The following P2RX5 variants were observed in gnomAD, a reference collection of about 807,000 sequenced individuals.
P2RX5 encodes P2X purinoceptor 5.
In P2RX5, 46 loss-of-function variants were observed where a neutral mutation model predicts 54.1. The ratio of observed to expected loss-of-function variants is 0.85; its 90% CI spans 0.67 to 1.09. The LOEUF is 1.09. Among genes scored for constraint, P2RX5 ranks in the 50% least tolerant of loss-of-function variants. P2RX5 has a pLI of 0.00. For missense variants in P2RX5, 566 were observed against 549.8 expected, an observed-to-expected ratio of 1.03 and a Z score of -0.29; for synonymous variants, 226 against 226.4, an observed-to-expected ratio of 1.00 and a Z score of 0.02.
In P2RX5 at chr17:3,696,020, C is replaced by T. The variant is rs371526773; in HGVS notation, c.-15G>A. On this transcript the variant is annotated 5_prime_UTR_variant, in exon 1 of 12. Coordinates refer to ENST00000225328, the MANE Select transcript of P2RX5 (RefSeq NM_002561.4). ...GCCTGCCCCATGGCGCGCTCTCAGC[C>T]GGGCTTGCGGACCGCCCGGCCCACG... 5.6e-6 allele frequency: 9 copies of T among 1,612,742 alleles called. No individual in the cohort carries two copies. The Admixed American group carries it at 8.3e-5, about 15-fold the overall frequency.
the P2RX5 span, among the ~76,000 whole-genome samples, chr17:3,709,100 T>C: frequency 6.6e-6 from 1 of 152,126 alleles, no homozygotes; most frequent in African/African-American, 2.4e-5. Flanking sequence ...TACAGGCGCC[T>C]GCCACAACGC....
upstream of P2RX5, among the ~76,000 whole-genome samples, chr17:3,699,824 A>AAGAGAGAG (rs71153388): frequency 4.3e-5 from 5 of 115,914 alleles, no homozygotes; most frequent in East Asian, 7.0e-4. Flanking sequence ...GAAAGAGAGA[A>AAGAGAGAG]AGAGAGAGAG....
intron 10 of P2RX5, among the ~76,000 whole-genome samples, chr17:3,680,666 AGGCCACCACCCTGCT>A (rs2050242592): frequency 1.7e-5 from 1 of 60,052 alleles, no homozygotes; most frequent in African/African-American, 8.1e-5. Flanking sequence ...TCCACCCTGC[AGGCCACCACCCTGCT>A]TCCTCCATCC....
the P2RX5 span, among the ~76,000 whole-genome samples, chr17:3,708,191 T>G: frequency 5.9e-5 from 9 of 151,952 alleles, no homozygotes; most frequent in East Asian, 1.4e-3. Context: ...AGGAAGACTG[T>G]TTTTCAGACA....
chr17:3,681,752 G>A, intron 10 of P2RX5, 144 bp downstream of exon 10: 2 of 700,884 alleles, frequency 2.9e-6, no homozygotes, highest in East Asian at 2.7e-5. Context: ...TGTAGAGCAT[G>A]TACTCAGAAC....
At chr17:3,723,412 T>G in the P2RX5 span, 1 of 1,480,764 alleles carries the variant, frequency 6.8e-7, no homozygotes, top group South Asian at 1.1e-5. Flanking sequence ...GTGAACACAA[T>G]TCCTTTCCGT....
the P2RX5 span, chr17:3,716,822 C>T: frequency 1.5e-6 from 2 of 1,323,128 alleles, no homozygotes; most frequent in South Asian, 2.4e-5. Flanking sequence ...AGAGATCGCC[C>T]AATAAATCAG....
Position 3,688,721 on chromosome 17 carries a change from A to G in P2RX5, c.792T>C (p.Asp264=). 3 of 1,613,958 alleles carry G rather than the reference A, an allele frequency of 1.9e-6. No individual in the cohort carries two copies. Among genetic ancestry groups the G allele is most frequent in the Non-Finnish European group, 2.5e-6 (3 of 1,179,842 alleles). The change falls in exon 8 of 12, where the codon GAT becomes GAC. Residue 264 remains aspartate (D), a synonymous_variant. Coordinates refer to ENST00000225328, the MANE Select transcript of P2RX5 (RefSeq NM_002561.4). The stretch of plus-strand genomic sequence containing the variant: ...GGCACTCAGAGGCAGCTTTATCAAG[A>G]TCACAGTTCCATTCAATATTAATTC... ...VIGINIEWNC[D]LDKAASECHP...
chr17:3,712,260 T>C, the P2RX5 span, among the ~76,000 whole-genome samples: 2 of 152,294 alleles, frequency 1.3e-5, no homozygotes, highest in Middle Eastern at 3.4e-3. Context: ...AAGTGACCGA[T>C]AGCACAGACG....
At chr17:3,696,513 G>A (rs1465137628), upstream of P2RX5, 1 of 152,334 alleles carries the variant, frequency 6.6e-6, no homozygotes, top group East Asian at 1.9e-4. Flanking sequence ...GGAGTGCAGT[G>A]GTGCGATCTC....
chr17:3,680,315 ATCCTCCACCCTGCATCCTCCACCCTGCG>A (rs2050223354), intron 10 of P2RX5, among the ~76,000 whole-genome samples: 2 of 28,704 alleles, frequency 7.0e-5, no homozygotes, highest in Non-Finnish European at 6.0e-5. Context: ...TCCACCCTGC[ATCCTCCACCCTGCATCCTCCACCCTGCG>A]TCCTCCACCC....
chr17:3,696,914 T>C (rs1055137519), upstream of P2RX5, among the ~76,000 whole-genome samples: 9 of 151,574 alleles, frequency 5.9e-5, no homozygotes, highest in Non-Finnish European at 1.3e-4. Context: ...TCTTGCTCCG[T>C]GGGCAGGGGG....
the P2RX5 span, among the ~76,000 whole-genome samples, chr17:3,701,602 G>T: frequency 6.7e-6 from 1 of 148,540 alleles, no homozygotes; most frequent in Non-Finnish European, 1.5e-5. Flanking sequence ...TGAGGCAGGA[G>T]AATCACTTGA....
rs891477304 is a variant in P2RX5, at chr17:3,684,566, C to A, written c.982-2588G>T. 3.3e-5 allele frequency among the ~76,000 whole-genome samples: 5 copies of A among 152,242 alleles called. No homozygotes were observed. In the South Asian group the frequency reaches 6.2e-4, roughly 19 times the overall value. ...GCAGTGAGCCATGATCATGCCACTG[C>A]ACTCCAGCCTGGGCAACAGAGCAAA... On this transcript the variant is annotated intron_variant, in intron 9 of 11. Coordinates refer to ENST00000225328, the MANE Select transcript of P2RX5 (RefSeq NM_002561.4).
rs201661236 is a variant in P2RX5 at position 3,681,876 on chromosome 17, G to A, written c.1064+20C>T. On this transcript the variant is annotated intron_variant, in intron 10 of 11. Coordinates refer to ENST00000225328, the MANE Select transcript of P2RX5 (RefSeq NM_002561.4). ...TCCACAGGGCTGCCCTCGGGCCGCC[G>A]GCCTGGAAGCGGAACTGACCTCACT... 50 of 1,582,466 alleles carry A rather than the reference G, an allele frequency of 3.2e-5. No individual in the cohort carries two copies. The highest frequency in any genetic ancestry group is 3.3e-5 in the Admixed American group (2 of 59,980).
At chr17:3,720,568 G>A in the P2RX5 span, 2 of 456,640 alleles carry the variant, frequency 4.4e-6, no homozygotes, top group South Asian at 6.2e-5. Flanking sequence ...GACATCTGCA[G>A]TTATTCTTCA....
chr17:3,683,480 C>T (rs187833819), intron 9 of P2RX5, among the ~76,000 whole-genome samples: 1 of 152,230 alleles, frequency 6.6e-6, no homozygotes, highest in Non-Finnish European at 1.5e-5. Flanking sequence ...CGCCTGTGAT[C>T]CCAGCACTGG....
At chr17:3,690,884 A>G (rs959467389) in intron 3 of P2RX5, 72 bp downstream of exon 3, 11 of 1,381,568 alleles carry the variant, frequency 8.0e-6, no homozygotes, top group Non-Finnish European at 1.1e-5. Context: ...CCCTTGCTTC[A>G]GAAGAGAGTA....
the P2RX5 span, among the ~76,000 whole-genome samples, chr17:3,707,855 G>A: frequency 1.3e-5 from 2 of 151,940 alleles, no homozygotes; most frequent in African/African-American, 2.4e-5. Context: ...TCAGGAGATC[G>A]AGATCATCCT....
Sources: gnomAD v4.1 joint callset for allele counts (sites outside exome capture counted in the v4.1 genomes callset) on GRCh38, gnomAD v4.1.1 for gene constraint, MANE v1.5 for transcripts, NCBI Gene and HGNC (gene_info 2026-07-23, HGNC 2026-07-21) for gene names.